The following SHISA6 variants were observed in gnomAD, a reference collection of about 807,000 sequenced individuals.
The protein encoded by SHISA6 is shisa family member 6.
Under a neutral mutation model 47.9 loss-of-function variants are expected in SHISA6, and 22 were observed. The observed-to-expected ratio is 0.46, with a 90% CI of 0.33 to 0.66. The LOEUF (loss-of-function observed/expected upper bound fraction) is 0.66. Ranked by LOEUF, SHISA6 falls within the 30% of genes least tolerant of loss-of-function variation. SHISA6 has a pLI of 0.02. For synonymous variants in SHISA6, 388 were observed against 337.8 expected (o/e 1.15, Z -1.63); for missense variants, 680 against 764.6 (o/e 0.89, Z 1.30).
intron 3 of SHISA6, among the ~76,000 whole-genome samples, chr17:11,550,502 T>C (rs1358938032): frequency 1.3e-5 from 2 of 152,180 alleles, no homozygotes; most frequent in African/African-American, 4.8e-5. Context: ...CAAAAAGGTC[T>C]ATTATGGGCC....
intron 2 of SHISA6, among the ~76,000 whole-genome samples, chr17:11,345,046 C>A (rs34421620): frequency 0.13 from 19,057 of 152,106 alleles, 1,282 homozygotes; most frequent in African/African-American, 0.17. Context: ...AGTTTTCTGA[C>A]CTGCGTTATT....
intron 2 of SHISA6, among the ~76,000 whole-genome samples, chr17:11,360,062 A>C (rs995166747): frequency 3.3e-5 from 5 of 152,230 alleles, no homozygotes; most frequent in Non-Finnish European, 5.9e-5. Context: ...ACTTGGAACC[A>C]ACCCAGATGC....
chr17:11,289,364 C>A (rs909671917), intron 2 of SHISA6: 4 of 151,838 alleles, frequency 2.6e-5, no homozygotes, highest in Non-Finnish European at 4.4e-5. Flanking sequence ...ATGAGTTAAA[C>A]TGTCCTCTAT....
At chr17:11,526,307 A>G (rs1314645934) in intron 3 of SHISA6, among the ~76,000 whole-genome samples, 2 of 152,232 alleles carry the variant, frequency 1.3e-5, no homozygotes. Flanking sequence ...TGTAATAAAC[A>G]ATGAATCTGA....
intron 1 of SHISA6, among the ~76,000 whole-genome samples, chr17:11,263,033 C>T (rs1304967951): frequency 6.6e-6 from 1 of 152,170 alleles, no homozygotes; most frequent in Non-Finnish European, 1.5e-5. Flanking sequence ...TAGTGGCATT[C>T]CACTGGCCAG....
chr17:11,426,625 ATAT>A (rs766122701), intron 3 of SHISA6, among the ~76,000 whole-genome samples: 4 of 152,342 alleles, frequency 2.6e-5, no homozygotes, highest in Non-Finnish European at 2.9e-5. Context: ...CTGCAAGAAA[ATAT>A]TATATTTATT....
At chr17:11,383,536 C>G (rs1913097967) in intron 3 of SHISA6, among the ~76,000 whole-genome samples, 1 of 152,074 alleles carries the variant, frequency 6.6e-6, no homozygotes, top group Non-Finnish European at 1.5e-5. Context: ...GTTGGTAGAG[C>G]CTTCATTTTT....
intron 3 of SHISA6, among the ~76,000 whole-genome samples, chr17:11,420,405 A>G (rs774290314): frequency 5.9e-5 from 9 of 152,214 alleles, no homozygotes; most frequent in East Asian, 1.9e-4. Context: ...GTACTTTGCA[A>G]TCTCCAAAGA....
intron 2 of SHISA6, among the ~76,000 whole-genome samples, chr17:11,322,911 A>G (rs1031365373): frequency 6.6e-6 from 1 of 152,068 alleles, no homozygotes; most frequent in Non-Finnish European, 1.5e-5. Context: ...AAATTTTGAG[A>G]TTTTTCTTTA....
intron 2 of SHISA6, among the ~76,000 whole-genome samples, chr17:11,317,423 T>A (rs1250417520): frequency 6.6e-6 from 1 of 152,056 alleles, no homozygotes; most frequent in Non-Finnish European, 1.5e-5. Context: ...GATTTCTTAT[T>A]GATCATAAAC....
At chr17:11,302,351 T>C (rs1909957291) in intron 2 of SHISA6, among the ~76,000 whole-genome samples, 1 of 152,198 alleles carries the variant, frequency 6.6e-6, no homozygotes, top group Non-Finnish European at 1.5e-5. Flanking sequence ...GTTTGTCCAG[T>C]ATAAAGTTCT....
chr17:11,516,791 T>C (rs1035428486), intron 3 of SHISA6, among the ~76,000 whole-genome samples: 1 of 152,218 alleles, frequency 6.6e-6, no homozygotes, highest in African/African-American at 2.4e-5. Flanking sequence ...TTCCTGGCCA[T>C]GGATAGTCTC....
intron 2 of SHISA6, among the ~76,000 whole-genome samples, chr17:11,338,580 T>C (rs1911405351): frequency 6.6e-6 from 1 of 151,912 alleles, no homozygotes; most frequent in Non-Finnish European, 1.5e-5. Flanking sequence ...TTTTGTATTT[T>C]TTTTTTTTTT....
rs1331992326 is a variant in SHISA6 at position 11,561,204 on chromosome 17, C to T, written c.*2900C>T. The T allele has an allele frequency of 6.6e-6, 1 of 152,216 alleles. No individual in the cohort carries two copies. Among genetic ancestry groups the T allele is most frequent in the Non-Finnish European group, 1.5e-5 (1 of 68,064 alleles). 9.4% of individuals were successfully genotyped at this position (152,216 alleles called of 1,614,324 possible). On this transcript the variant is annotated 3_prime_UTR_variant, in exon 6 of 6. Transcript: ENST00000441885. Reference sequence around the variant, plus strand: ...TGGCCTCTACCATACATAGAAGTACCATCCACCCTTACAGTAAAAGCCTCC... The same window carrying T: ...TGGCCTCTACCATACATAGAAGTACTATCCACCCTTACAGTAAAAGCCTCC...
At chr17:11,358,047 TA>T (rs1037173640) in intron 2 of SHISA6, among the ~76,000 whole-genome samples, 1 of 152,216 alleles carries the variant, frequency 6.6e-6, no homozygotes, top group Admixed American at 6.5e-5. Context: ...AAAATATACA[TA>T]ACATAAAATT....
intron 3 of SHISA6, among the ~76,000 whole-genome samples, chr17:11,496,496 T>G (rs1040262625): frequency 6.6e-6 from 1 of 151,978 alleles, no homozygotes; most frequent in Non-Finnish European, 1.5e-5. Flanking sequence ...TCCCAACACT[T>G]TGGGAGGCTG....
intron 2 of SHISA6, chr17:11,289,884 T>C (rs1909457775): frequency 6.6e-6 from 1 of 152,106 alleles, no homozygotes; most frequent in Non-Finnish European, 1.5e-5. Context: ...CCAGTTAGTG[T>C]ACAAATTAGT....
intron 2 of SHISA6, among the ~76,000 whole-genome samples, chr17:11,273,353 C>A (rs919482141): frequency 6.6e-6 from 1 of 152,194 alleles, no homozygotes; most frequent in African/African-American, 2.4e-5. Flanking sequence ...TCATTTGTCC[C>A]AGTGCATGGA....
chr17:11,495,707 C>A (rs2071402402), intron 3 of SHISA6, among the ~76,000 whole-genome samples: 1 of 152,188 alleles, frequency 6.6e-6, no homozygotes, highest in Non-Finnish European at 1.5e-5. Context: ...TGAAACAGGC[C>A]GGCCACCCTG....
Sources: gnomAD v4.1 joint callset for allele counts (sites outside exome capture counted in the v4.1 genomes callset) on GRCh38, gnomAD v4.1.1 for gene constraint, MANE v1.5 for transcripts, NCBI Gene and HGNC (gene_info 2026-07-23, HGNC 2026-07-21) for gene names.